Variants in TRPC6 observed in about 807,000 individuals in gnomAD.
TRPC6 encodes the protein transient receptor potential cation channel subfamily C member 6.
TRPC6 carries 55 observed loss-of-function variants against 90.7 expected under a neutral mutation model. The observed-to-expected ratio is 0.61, with a 90% CI of 0.49 to 0.76. The LOEUF (loss-of-function observed/expected upper bound fraction) is 0.76, where lower values mean the gene tolerates loss of function less well. TRPC6 is among the 30% of genes least tolerant of loss of function. The probability of loss-of-function intolerance (pLI) is 0.00; values close to 1 mark genes in which losing one functional copy is unlikely to be tolerated. For missense variants in TRPC6, 989 were observed against 1,122.7 expected (o/e 0.88, Z 1.70); for synonymous variants, 393 against 393.0 (o/e 1.00, Z 0.00).
chr11:101,528,207 AG>A lies in TRPC6; in HGVS notation c.171-23410del, dbSNP rs35212936. On this transcript the variant is annotated intron_variant, in intron 1 of 12. Transcript: ENST00000344327. The stretch of plus-strand genomic sequence containing the variant: ...TTTACTATCTTAAAGAATGTGTAAT[AG>A]GAAAGGTAAAAGTCAGATTAGTGGA... Among the ~76,000 whole-genome samples the A allele has an allele frequency of 4.7e-3, 710 of 152,336 alleles. 6 individuals carry two copies. The highest frequency in any genetic ancestry group is 6.4e-3 in the Non-Finnish European group (435 of 68,042).
At position 101,492,602 on chromosome 11, in the gene TRPC6, T is replaced by C. The variant is rs570966421; in HGVS notation, c.946-864A>G. On this transcript the variant is annotated intron_variant, in intron 2 of 12. Coordinates refer to ENST00000344327, the MANE Select transcript of TRPC6 (RefSeq NM_004621.6). ...TGTCTAAAAAAAAAAGAGTATGGTG[T>C]ACCAAACTCACCTGTTGATTCGGAA... Among the ~76,000 whole-genome samples, 82 of 152,092 alleles carry C rather than the reference T, an allele frequency of 5.4e-4. 1 individual carries two copies. In the South Asian group the frequency reaches 0.017, roughly 31 times the overall value.
At chr11:101,515,502 C>T (rs907587285) in intron 1 of TRPC6, among the ~76,000 whole-genome samples, 1 of 152,026 alleles carries the variant, frequency 6.6e-6, no homozygotes, top group Admixed American at 6.6e-5. Flanking sequence ...AATTCCTGTG[C>T]CAAGCACAGA....
At chr11:101,465,145 G>A (rs1401956046) in intron 10 of TRPC6, among the ~76,000 whole-genome samples, 1 of 152,192 alleles carries the variant, frequency 6.6e-6, no homozygotes, top group African/African-American at 2.4e-5. Flanking sequence ...TAGGGTTTCT[G>A]CAGAGAGATC....
intron 1 of TRPC6, among the ~76,000 whole-genome samples, chr11:101,521,473 T>C (rs1184906059): frequency 6.6e-6 from 1 of 152,250 alleles, no homozygotes; most frequent in South Asian, 2.1e-4. Flanking sequence ...AGAAGTCTAC[T>C]GCAGGGGCTG....
chr11:101,482,056 C>G (rs1859564170), intron 5 of TRPC6, among the ~76,000 whole-genome samples: 1 of 152,150 alleles, frequency 6.6e-6, no homozygotes, highest in African/African-American at 2.4e-5. Flanking sequence ...GGCTTCTTGC[C>G]CCTTCCATTT....
chr11:101,473,417 A>G (rs1859338874), intron 7 of TRPC6, 92 bp downstream of exon 7: 1 of 1,467,220 alleles, frequency 6.8e-7, no homozygotes, highest in Admixed American at 1.8e-5. Context: ...AGTCTTTACC[A>G]AAACATTATC....
intron 10 of TRPC6, among the ~76,000 whole-genome samples, chr11:101,461,461 A>G (rs1020972344): frequency 6.6e-6 from 1 of 152,044 alleles, no homozygotes; most frequent in Non-Finnish European, 1.5e-5. Context: ...ACTCCCAGCT[A>G]TTTGGGAGGT....
At chr11:101,575,304 A>C (rs1862048963) in intron 1 of TRPC6, among the ~76,000 whole-genome samples, 1 of 152,178 alleles carries the variant, frequency 6.6e-6, no homozygotes. Context: ...AATTTTGTTA[A>C]CATTCATAGT....
At chr11:101,476,096 T>A (rs546814379) in intron 6 of TRPC6, among the ~76,000 whole-genome samples, 1 of 152,240 alleles carries the variant, frequency 6.6e-6, no homozygotes, top group African/African-American at 2.4e-5. Flanking sequence ...GTCTTGTGAT[T>A]AAGAGAGTTT....
rs1464046674 is a variant in TRPC6 at position 101,546,132 on chromosome 11, C to T, written c.170+37202G>A. The stretch of plus-strand genomic sequence containing the variant: ...CAGGCCGGACTGCGGACTGCAGTGG[C>T]GCAATCTCGGCTCACTGCAAGCTCC... On this transcript the variant is annotated intron_variant, in intron 1 of 12. Coordinates refer to ENST00000344327, the MANE Select transcript of TRPC6 (RefSeq NM_004621.6). Among the ~76,000 whole-genome samples the T allele has an allele frequency of 1.8e-4, 10 of 55,412 alleles. 3 individuals are homozygous for T. The highest frequency in any genetic ancestry group is 7.0e-4 in the African/African-American group (9 of 12,862). 36.4% of individuals were successfully genotyped at this position (55,412 alleles called of 152,430 possible).
intron 1 of TRPC6, among the ~76,000 whole-genome samples, chr11:101,518,940 G>A (rs997491515): frequency 2.6e-5 from 4 of 152,080 alleles, no homozygotes; most frequent in Non-Finnish European, 5.9e-5. Context: ...AGCCAGGTAC[G>A]GAAAGACAAG....
At chr11:101,582,343 C>G (rs1394687893) in intron 1 of TRPC6, among the ~76,000 whole-genome samples, 2 of 152,134 alleles carry the variant, frequency 1.3e-5, no homozygotes. Context: ...AATCCTCCCT[C>G]CAACTAAAGC....
chr11:101,574,051 G>C (rs1334787710), intron 1 of TRPC6, among the ~76,000 whole-genome samples: 1 of 150,206 alleles, frequency 6.7e-6, no homozygotes, highest in Non-Finnish European at 1.5e-5. Context: ...ACTCAAAACA[G>C]TCTACCTCTA....
intron 2 of TRPC6, among the ~76,000 whole-genome samples, chr11:101,497,026 G>A (rs1357084585): frequency 3.9e-5 from 6 of 152,190 alleles, no homozygotes; most frequent in Non-Finnish European, 8.8e-5. Flanking sequence ...TGTGAGGTAC[G>A]TAGTAGGTAA....
chr11:101,514,665 T>C (rs1369058144), intron 1 of TRPC6, among the ~76,000 whole-genome samples: 2 of 152,222 alleles, frequency 1.3e-5, no homozygotes, highest in Non-Finnish European at 2.9e-5. Flanking sequence ...TTAGCACTTC[T>C]ACTGTAGGGC....
At chr11:101,462,945 T>C (rs1252791740) in intron 10 of TRPC6, among the ~76,000 whole-genome samples, 1 of 152,154 alleles carries the variant, frequency 6.6e-6, no homozygotes, top group African/African-American at 2.4e-5. Context: ...GGCTGTGGGT[T>C]TGTCATGAAT....
intron 1 of TRPC6, among the ~76,000 whole-genome samples, chr11:101,546,609 G>A (rs11224841): frequency 0.1 from 15,557 of 152,092 alleles, 905 homozygotes; most frequent in Middle Eastern, 0.14. Flanking sequence ...CATGTACAAG[G>A]TGGGAATTGT....
chr11:101,570,017 G>A (rs762482675), intron 1 of TRPC6, among the ~76,000 whole-genome samples: 32 of 152,088 alleles, frequency 2.1e-4, no homozygotes, highest in Middle Eastern at 3.4e-3. Flanking sequence ...AAATAAGTAA[G>A]ATCAGAGCAC....
In TRPC6 at chr11:101,504,599, G is replaced by A; in HGVS notation, c.370C>T (p.Leu124Phe). The A allele has an allele frequency of 6.2e-7, 1 of 1,613,956 alleles. No individual in the cohort carries two copies. The change falls in exon 2 of 13, where the codon CTC (leucine) becomes TTC (phenylalanine). Residue 124 changes from leucine (L) to phenylalanine (F), a missense_variant. Coordinates refer to ENST00000344327, the MANE Select transcript of TRPC6 (RefSeq NM_004621.6). ...VRKMLEECHS[L>F]NVNCVDYMGQ... is the part of the protein sequence containing the mutation. ...ATGTAATCCACACAGTTAACGTTGAGTGAGTGGCATTCTTCTAACATCTTC... is the reference window on the plus strand; with the variant it reads ...ATGTAATCCACACAGTTAACGTTGAATGAGTGGCATTCTTCTAACATCTTC...
Sources: allele counts gnomAD v4.1 joint callset (sites outside exome capture counted in the v4.1 genomes callset), GRCh38; gene constraint gnomAD v4.1.1; transcripts MANE v1.5; gene names NCBI Gene and HGNC (gene_info 2026-07-23, HGNC 2026-07-21).